PTP4A3: variants seen among roughly 807,000 people sequenced by gnomAD.
PTP4A3 encodes the protein protein tyrosine phosphatase 4A3.
In PTP4A3, 9 loss-of-function variants were observed where a neutral mutation model predicts 15.2. The ratio of observed to expected loss-of-function variants is 0.59; its 90% CI spans 0.36 to 1.03. The LOEUF (loss-of-function observed/expected upper bound fraction) is 1.03, where lower values mean the gene tolerates loss of function less well. Among genes scored for constraint, PTP4A3 ranks in the 50% least tolerant of loss-of-function variants. PTP4A3 has a pLI of 0.02. For missense variants in PTP4A3, 234 were observed against 252.1 expected (o/e 0.93, Z 0.49); for synonymous variants, 95 against 102.0 (o/e 0.93, Z 0.41).
chr8:141,410,083 G>A (rs759174394), intron 1 of PTP4A3, among the ~76,000 whole-genome samples: 6 of 152,200 alleles, frequency 3.9e-5, no homozygotes, highest in Non-Finnish European at 8.8e-5. Flanking sequence ...CCCTGCTGCG[G>A]ACGGTCACCG....
intron 1 of PTP4A3, among the ~76,000 whole-genome samples, chr8:141,400,625 C>T (rs183774578): frequency 2.8e-4 from 43 of 152,320 alleles, no homozygotes; most frequent in African/African-American, 9.4e-4. Context: ...GTCTCGGCAC[C>T]GGGGTGAGTC....
At chr8:141,411,057 G>T (rs1832855781) in intron 1 of PTP4A3, among the ~76,000 whole-genome samples, 1 of 152,164 alleles carries the variant, frequency 6.6e-6, no homozygotes, top group Non-Finnish European at 1.5e-5. Flanking sequence ...AAGGCGTGGG[G>T]CACCTCTGTG....
At chr8:141,419,571 G>GTTTTTT (rs66940476) in intron 1 of PTP4A3, among the ~76,000 whole-genome samples, 5 of 132,168 alleles carry the variant, frequency 3.8e-5, no homozygotes, top group Non-Finnish European at 8.0e-5. Context: ...CCCACCACCG[G>GTTTTTT]TTTTTTTTTT....
At chr8:141,415,765 T>TGTGGGGTGGGGTGGGGAGAGGGG (rs1833025742) in intron 1 of PTP4A3, among the ~76,000 whole-genome samples, 1 of 3,780 alleles carries the variant, frequency 2.6e-4, no homozygotes, top group African/African-American at 8.2e-4. Context: ...GGGGAGAGGG[T>TGTGGGGTGGGGTGGGGAGAGGGG]GTGGGGTGGG....
intron 1 of PTP4A3, among the ~76,000 whole-genome samples, chr8:141,403,876 A>AT (rs1204575180): frequency 6.6e-6 from 1 of 152,234 alleles, no homozygotes; most frequent in Non-Finnish European, 1.5e-5. Flanking sequence ...GACTATGTCT[A>AT]TTTGACGAAT....
At chr8:141,422,568 T>C (rs1278767043) in intron 2 of PTP4A3, among the ~76,000 whole-genome samples, 3 of 150,630 alleles carry the variant, frequency 2.0e-5, no homozygotes, top group African/African-American at 7.3e-5. Context: ...CGGGGTCCCC[T>C]GGGAGGCCTG....
chr8:141,423,008 C>T (rs940658085), intron 2 of PTP4A3, among the ~76,000 whole-genome samples: 4 of 152,214 alleles, frequency 2.6e-5, no homozygotes, highest in Non-Finnish European at 5.9e-5. Context: ...AGGCCTGGGG[C>T]CGTTTGCAGC....
Position 141,410,560 on chromosome 8 carries a change from C to G in PTP4A3, c.-853-10828C>G, listed in dbSNP as rs567931942. ...AGTGCCAGTGTTCCAGGGACTCAAGCGAGGCCTCTTGGAAAGGGTAATAAT... is the reference window on the plus strand; with the variant it reads ...AGTGCCAGTGTTCCAGGGACTCAAGGGAGGCCTCTTGGAAAGGGTAATAAT... On this transcript the variant is annotated intron_variant, in intron 1 of 5. Coordinates refer to ENST00000521578, the MANE Select transcript of PTP4A3 (RefSeq NM_032611.3). Among the ~76,000 whole-genome samples, 5 of 152,334 alleles carry G rather than the reference C, an allele frequency of 3.3e-5. No individual in the cohort carries two copies. The East Asian group carries it at 9.7e-4, about 29-fold the overall frequency.
chr8:141,422,458 C>T lies in PTP4A3; in HGVS notation c.105+113C>T, dbSNP rs1412968728. ...CCCAGCCCCGGCTGGCCAGACAGGG[C>T]TCACAGCCTTGGAACAAAGCCCAGT... On this transcript the variant is annotated intron_variant, in intron 2 of 5. Transcript: ENST00000521578. 1.0e-5 allele frequency: 12 copies of T among 1,144,958 alleles called. No homozygotes were observed. The Admixed American group carries it at 1.7e-4, about 16-fold the overall frequency. The allele number at this position is 1,144,958 out of a possible 1,614,324, so 70.9% of individuals were successfully genotyped here.
intron 1 of PTP4A3, among the ~76,000 whole-genome samples, chr8:141,404,166 C>A (rs540497622): frequency 6.6e-6 from 1 of 152,262 alleles, no homozygotes; most frequent in Non-Finnish European, 1.5e-5. Context: ...CTGGGGAGCT[C>A]GTGCACATGC....
rs74648509 is a variant in PTP4A3, at chr8:141,426,934, C to T, written c.199-5C>T. Reference sequence around the variant, plus strand: ...GGGGGTCCTCATGTCTGCTTCCCTCCGTAGGACTGGCCGTTTGACGATGGG... The same window carrying T: ...GGGGGTCCTCATGTCTGCTTCCCTCTGTAGGACTGGCCGTTTGACGATGGG... On this transcript the variant is annotated splice_region_variant and splice_polypyrimidine_tract_variant and intron_variant, in intron 3 of 5. Transcript: ENST00000521578. 9,629 of 1,611,176 alleles carry T rather than the reference C, an allele frequency of 6.0e-3. 489 individuals are homozygous for T. The African/African-American group carries it at 0.11, about 19-fold the overall frequency.
chr8:141,393,126 C>T (rs558309731), intron 1 of PTP4A3, among the ~76,000 whole-genome samples: 3 of 152,314 alleles, frequency 2.0e-5, no homozygotes, highest in African/African-American at 7.2e-5. Context: ...CCTGGCAGCC[C>T]TGTGCAGAGC....
At chr8:141,430,340 T>A (rs1361870476) in intron 5 of PTP4A3, among the ~76,000 whole-genome samples, 1 of 142,762 alleles carries the variant, frequency 7.0e-6, no homozygotes, top group African/African-American at 2.7e-5. Context: ...ACAGTCCAGG[T>A]CCCCGCTGTA....
At chr8:141,411,517 C>A (rs988732542) in intron 1 of PTP4A3, among the ~76,000 whole-genome samples, 4 of 152,246 alleles carry the variant, frequency 2.6e-5, no homozygotes, top group Non-Finnish European at 4.4e-5. Flanking sequence ...ATCGGGCCAG[C>A]CCAGAAATAG....
chr8:141,408,051 G>T (rs558622197), intron 1 of PTP4A3, among the ~76,000 whole-genome samples: 1 of 152,238 alleles, frequency 6.6e-6, no homozygotes, highest in African/African-American at 2.4e-5. Flanking sequence ...AGCGGGCACA[G>T]ACTCAGGCTG....
At chr8:141,429,112 C>T (rs1443710970) in intron 5 of PTP4A3, among the ~76,000 whole-genome samples, 3 of 152,266 alleles carry the variant, frequency 2.0e-5, no homozygotes, top group Non-Finnish European at 4.4e-5. Flanking sequence ...CAGAACAGCA[C>T]GGGCGTTTCT....
rs2129895680 is a variant in PTP4A3, at chr8:141,406,681, G to T, written c.-854+14597G>T. ...GTAGAGGTGCAAGTGGATTCTGTGT[G>T]GCACAGAAGATGGCGAGTGGTGACG... On this transcript the variant is annotated intron_variant, in intron 1 of 5. Transcript: ENST00000521578. The surrounding 1 kb of genome is among the most constrained non-coding windows in gnomAD (Gnocchi z 4.5). Among the ~76,000 whole-genome samples the T allele has an allele frequency of 6.6e-6, 1 of 152,292 alleles. No homozygotes were observed. Among genetic ancestry groups the T allele is most frequent in the East Asian group, 1.9e-4 (1 of 5,190 alleles).
chr8:141,410,748 C>T (rs1832848246), intron 1 of PTP4A3, among the ~76,000 whole-genome samples: 1 of 152,184 alleles, frequency 6.6e-6, no homozygotes, highest in African/African-American at 2.4e-5. Context: ...GGGATGTACC[C>T]ATCACACAGC....
chr8:141,417,970 G>A (rs1014525701), intron 1 of PTP4A3, among the ~76,000 whole-genome samples: 10 of 151,976 alleles, frequency 6.6e-5, no homozygotes, highest in Admixed American at 5.9e-4. Context: ...AGCACCGTGG[G>A]CACCGCCAGG....
Sources: gnomAD v4.1 joint callset for allele counts (sites outside exome capture counted in the v4.1 genomes callset) on GRCh38, gnomAD v4.1.1 for gene constraint, Gnocchi (gnomAD v3.1) non-coding constraint, MANE v1.5 for transcripts, NCBI Gene and HGNC (gene_info 2026-07-23, HGNC 2026-07-21) for gene names.